The following ROBO1 variants were observed in gnomAD, a reference collection of about 807,000 sequenced individuals.
ROBO1 encodes the protein roundabout homolog 1.
A neutral mutation model predicts 195.9 loss-of-function variants in ROBO1; 149 were observed. The observed-to-expected ratio is 0.76, with a 90% CI of 0.67 to 0.87. The LOEUF is 0.87. ROBO1 is among the 40% of genes least tolerant of loss of function. ROBO1 has a pLI of 0.00. For synonymous variants in ROBO1, 816 were observed against 733.2 expected (o/e 1.11, Z -1.82); for missense variants, 1,933 against 2,068.3 (o/e 0.93, Z 1.27).
chr3:78,824,522 C>T (rs1309483749), intron 4 of ROBO1, among the ~76,000 whole-genome samples: 1 of 152,122 alleles, frequency 6.6e-6, no homozygotes, highest in Non-Finnish European at 1.5e-5. Context: ...GCTCAAGACA[C>T]TATTCGGAGC....
At chr3:79,467,641 G>C (rs1376429871) in intron 2 of ROBO1, among the ~76,000 whole-genome samples, 1 of 151,976 alleles carries the variant, frequency 6.6e-6, no homozygotes, top group African/African-American at 2.4e-5. Context: ...CCATCCCACT[G>C]AGAGCCAACT....
At chr3:79,185,502 T>C (rs114678732) in intron 2 of ROBO1, among the ~76,000 whole-genome samples, 2,924 of 152,292 alleles carry the variant, frequency 0.019, 53 homozygotes, top group Middle Eastern at 0.024. Flanking sequence ...TTCCTAATCA[T>C]AAACTTTATT....
intron 4 of ROBO1, among the ~76,000 whole-genome samples, chr3:78,878,365 C>T (rs779048930): frequency 6.6e-6 from 1 of 152,058 alleles, no homozygotes; most frequent in Non-Finnish European, 1.5e-5. Flanking sequence ...ACGGGTGGAT[C>T]TCCTGAGGTC....
intron 2 of ROBO1, among the ~76,000 whole-genome samples, chr3:79,261,222 CAG>C (rs1482826492): frequency 6.6e-6 from 1 of 151,900 alleles, no homozygotes; most frequent in Non-Finnish European, 1.5e-5. Flanking sequence ...CTAAAGGAAA[CAG>C]TGTGAATATC....
chr3:79,721,306 T>G (rs1013049902), intron 1 of ROBO1, among the ~76,000 whole-genome samples: 1 of 151,930 alleles, frequency 6.6e-6, no homozygotes. Context: ...GAGAAACAAT[T>G]ACAGTAGGAC....
At chr3:78,604,853 G>A (rs113994684) in intron 29 of ROBO1, among the ~76,000 whole-genome samples, 60 of 152,274 alleles carry the variant, frequency 3.9e-4, no homozygotes, top group African/African-American at 1.3e-3. Flanking sequence ...ATCACTCTTT[G>A]CTGATTCCTC....
chr3:78,982,978 G>A (rs1215307559), intron 3 of ROBO1, among the ~76,000 whole-genome samples: 1 of 151,910 alleles, frequency 6.6e-6, no homozygotes, highest in African/African-American at 2.4e-5. Flanking sequence ...CATGATCATG[G>A]CTCACTGCAA....
At chr3:79,232,260 A>AAAT (rs1553704316) in intron 2 of ROBO1, among the ~76,000 whole-genome samples, 273 of 147,424 alleles carry the variant, frequency 1.9e-3, no homozygotes, top group African/African-American at 6.0e-3. Context: ...AAAAAAAAAA[A>AAAT]ATATATATAT....
chr3:79,725,259 C>T (rs1355807043), intron 1 of ROBO1, among the ~76,000 whole-genome samples: 3 of 139,272 alleles, frequency 2.2e-5, no homozygotes, highest in South Asian at 4.6e-4. Flanking sequence ...CGGAGTCTCG[C>T]TCTGTCGCCC....
At chr3:79,300,619 G>T (rs116300917) in intron 2 of ROBO1, among the ~76,000 whole-genome samples, 1 of 152,202 alleles carries the variant, frequency 6.6e-6, no homozygotes, top group Non-Finnish European at 1.5e-5. Flanking sequence ...ACTGCAGTGG[G>T]ACTGGCAGGC....
chr3:79,160,129 A>G (rs1271344273), intron 2 of ROBO1, among the ~76,000 whole-genome samples: 2 of 152,030 alleles, frequency 1.3e-5, no homozygotes, highest in African/African-American at 2.4e-5. Context: ...ACAGAATCCA[A>G]TGAAGAATTT....
intron 10 of ROBO1, among the ~76,000 whole-genome samples, chr3:78,681,133 TGAG>T (rs2107793589): frequency 6.8e-6 from 1 of 146,866 alleles, no homozygotes; most frequent in African/African-American, 2.5e-5. Flanking sequence ...AATTGAACAA[TGAG>T]AACACATGGA....
chr3:79,436,646 C>T (rs1378281381), intron 2 of ROBO1, among the ~76,000 whole-genome samples: 2 of 151,950 alleles, frequency 1.3e-5, no homozygotes, highest in African/African-American at 2.4e-5. Flanking sequence ...TTCTTTGTGG[C>T]TAAGGAAAGT....
At chr3:79,043,058 A>T (rs975935882) in intron 3 of ROBO1, among the ~76,000 whole-genome samples, 1 of 152,262 alleles carries the variant, frequency 6.6e-6, no homozygotes, top group Admixed American at 6.5e-5. Context: ...AGACTATCAT[A>T]AAAGGAATCC....
chr3:79,300,116 G>A (rs1330404888), intron 2 of ROBO1, among the ~76,000 whole-genome samples: 1 of 152,192 alleles, frequency 6.6e-6, no homozygotes, highest in East Asian at 1.9e-4. Context: ...TCCCACTTTG[G>A]CGGCACTTGA....
At chr3:78,848,614 T>A (rs1162114258) in intron 4 of ROBO1, among the ~76,000 whole-genome samples, 1 of 152,084 alleles carries the variant, frequency 6.6e-6, no homozygotes, top group Non-Finnish European at 1.5e-5. Flanking sequence ...GCAGAAGGTG[T>A]CCTGCAAGTC....
chr3:78,821,148 T>C (rs1473539837), intron 4 of ROBO1, among the ~76,000 whole-genome samples: 1 of 151,638 alleles, frequency 6.6e-6, no homozygotes, highest in Non-Finnish European at 1.5e-5. Context: ...TATATGTGCA[T>C]TTTATGATAC....
intron 4 of ROBO1, among the ~76,000 whole-genome samples, chr3:78,758,470 G>A (rs2082999411): frequency 6.9e-6 from 1 of 144,388 alleles, no homozygotes; most frequent in Non-Finnish European, 1.5e-5. Context: ...AGGCTTCAGT[G>A]AGCCATGGTC....
At chr3:78,992,935 G>A (rs1490193296) in intron 3 of ROBO1, among the ~76,000 whole-genome samples, 8 of 152,054 alleles carry the variant, frequency 5.3e-5, no homozygotes, top group Admixed American at 3.9e-4. Flanking sequence ...AAAAGAACAC[G>A]CCAAGATTTT....
Sources: gnomAD v4.1 joint callset for allele counts (sites outside exome capture counted in the v4.1 genomes callset) on GRCh38, gnomAD v4.1.1 for gene constraint, MANE v1.5 for transcripts, NCBI Gene and HGNC (gene_info 2026-07-23, HGNC 2026-07-21) for gene names.